Variants in TASP1 observed in about 807,000 individuals in gnomAD.
The protein encoded by TASP1 is taspase 1.
TASP1 carries 16 observed loss-of-function variants against 56.6 expected under a neutral mutation model. That is an observed-to-expected ratio of 0.28 (90% CI 0.19 to 0.43). The LOEUF (loss-of-function observed/expected upper bound fraction) is 0.43, where lower values mean the gene tolerates loss of function less well. Among genes scored for constraint, TASP1 ranks in the 20% least tolerant of loss-of-function variants. The pLI is 1.00. For missense variants in TASP1, 393 were observed against 511.6 expected (o/e 0.77, Z 2.24); for synonymous variants, 179 against 184.2 (o/e 0.97, Z 0.23).
At chr20:13,449,305 A>C (rs181561550) in intron 11 of TASP1, among the ~76,000 whole-genome samples, 2 of 152,180 alleles carry the variant, frequency 1.3e-5, no homozygotes, top group African/African-American at 4.8e-5. Flanking sequence ...AGGACATCGG[A>C]CCTTAAAGAA....
At chr20:13,222,695 A>G in the TASP1 span, among the ~76,000 whole-genome samples, 1 of 152,216 alleles carries the variant, frequency 6.6e-6, no homozygotes, top group Non-Finnish European at 1.5e-5. Flanking sequence ...GGCGTAGTGG[A>G]CGGTCAGACA....
At chr20:13,159,283 C>A in the TASP1 span, among the ~76,000 whole-genome samples, 2 of 152,204 alleles carry the variant, frequency 1.3e-5, no homozygotes, top group African/African-American at 2.4e-5. Context: ...AGGTTCTCTG[C>A]GTGAACACTT....
intron 11 of TASP1, among the ~76,000 whole-genome samples, chr20:13,458,979 T>C (rs1308731175): frequency 6.6e-6 from 1 of 152,146 alleles, no homozygotes; most frequent in East Asian, 1.9e-4. Flanking sequence ...ACAAGGATAG[T>C]GTCTTCTACT....
chr20:13,531,504 T>TC (rs2045217783), intron 9 of TASP1, among the ~76,000 whole-genome samples: 2 of 151,520 alleles, frequency 1.3e-5, no homozygotes, highest in Admixed American at 6.6e-5. Context: ...TTTTTTTTCT[T>TC]TTTTTTGAGA....
At position 13,554,158 on chromosome 20, in the gene TASP1, A is replaced by C. The variant is rs147036610; in HGVS notation, c.675+4850T>G. ...ACATCCATGAGGCAAAGGTATAAGA[A>C]AAAGGCCCAAGAGAATACCAGATAT... On this transcript the variant is annotated intron_variant, in intron 8 of 13. Transcript: ENST00000337743. 4.0e-3 allele frequency among the ~76,000 whole-genome samples: 615 copies of C among 152,310 alleles called. 5 individuals are homozygous for C. Among genetic ancestry groups the C allele is most frequent in the Middle Eastern group, 0.024 (7 of 294 alleles).
intron 13 of TASP1, among the ~76,000 whole-genome samples, chr20:13,409,347 G>A (rs1209203743): frequency 6.6e-6 from 1 of 151,906 alleles, no homozygotes; most frequent in Non-Finnish European, 1.5e-5. Context: ...GGATGTTAAA[G>A]TTTCCAACTA....
the TASP1 span, among the ~76,000 whole-genome samples, chr20:13,338,559 TATA>T: frequency 6.6e-6 from 1 of 152,172 alleles, no homozygotes; most frequent in Admixed American, 6.5e-5. Context: ...TGACATACAG[TATA>T]ATAAGTCCTA....
the TASP1 span, among the ~76,000 whole-genome samples, chr20:13,276,939 C>T: frequency 4.6e-5 from 7 of 152,168 alleles, no homozygotes; most frequent in East Asian, 3.9e-4. Context: ...GGGAAGGGTG[C>T]GGTGGATCCT....
the TASP1 span, chr20:13,160,040 G>A: frequency 7.4e-6 from 12 of 1,613,202 alleles, no homozygotes; most frequent in Admixed American, 1.2e-4. Context: ...AAAAATTGGA[G>A]TGGTGGTCGT....
the TASP1 span, among the ~76,000 whole-genome samples, chr20:13,311,941 C>CA: frequency 0.014 from 2,141 of 151,646 alleles, 46 homozygotes; most frequent in African/African-American, 0.049. Context: ...TAAATATTCT[C>CA]AAAAAAAATG....
chr20:13,602,949 G>A (rs1168240589), intron 4 of TASP1, among the ~76,000 whole-genome samples: 2 of 152,168 alleles, frequency 1.3e-5, no homozygotes, highest in East Asian at 3.8e-4. Flanking sequence ...AGAAAAATGG[G>A]GCCAGGCATG....
At chr20:13,521,245 A>G (rs2044740702) in intron 10 of TASP1, among the ~76,000 whole-genome samples, 2 of 152,104 alleles carry the variant, frequency 1.3e-5, no homozygotes, top group Non-Finnish European at 1.5e-5. Context: ...AACTAGAAAT[A>G]CCATTTGACC....
intron 4 of TASP1, among the ~76,000 whole-genome samples, chr20:13,613,668 A>G (rs2048426499): frequency 6.6e-6 from 1 of 152,068 alleles, no homozygotes; most frequent in African/African-American, 2.4e-5. Flanking sequence ...ATTATAAACA[A>G]TTAAGACATG....
intron 11 of TASP1, among the ~76,000 whole-genome samples, chr20:13,460,980 T>C (rs2044031642): frequency 6.6e-6 from 1 of 152,174 alleles, no homozygotes; most frequent in Non-Finnish European, 1.5e-5. Flanking sequence ...TTATGATGGC[T>C]TGCAAGGCCT....
At chr20:13,381,531 A>T in the TASP1 span, among the ~76,000 whole-genome samples, 1 of 152,184 alleles carries the variant, frequency 6.6e-6, no homozygotes, top group Non-Finnish European at 1.5e-5. Context: ...CATCTTGAGA[A>T]GTCTGTTAAG....
chr20:13,400,048 T>TA (rs2041680599), intron 13 of TASP1, among the ~76,000 whole-genome samples: 1 of 152,218 alleles, frequency 6.6e-6, no homozygotes, highest in Admixed American at 6.5e-5. Flanking sequence ...CTGTACCTCC[T>TA]AACCCCTTCC....
the TASP1 span, among the ~76,000 whole-genome samples, chr20:13,152,780 G>C: frequency 1.3e-5 from 2 of 152,166 alleles, no homozygotes; most frequent in Admixed American, 6.5e-5. Context: ...TTCTCTGGAG[G>C]AGGATGCTGA....
Position 13,494,831 on chromosome 20 carries a change from T to C in TASP1, c.875-11494A>G, listed in dbSNP as rs550959141. ...GTTCTGATACTAACACTTAGGACTG[T>C]AGATAGTCTCCAATTTTAACCAGAA... On this transcript the variant is annotated intron_variant, in intron 10 of 13. Transcript: ENST00000337743. 4.0e-4 allele frequency among the ~76,000 whole-genome samples: 61 copies of C among 152,172 alleles called. 1 individual carries two copies. Among genetic ancestry groups the C allele is most frequent in the African/African-American group, 1.4e-3 (59 of 41,538 alleles).
chr20:13,380,851 C>T, the TASP1 span, among the ~76,000 whole-genome samples: 1 of 152,190 alleles, frequency 6.6e-6, no homozygotes, highest in Non-Finnish European at 1.5e-5. Flanking sequence ...CCAGTTCAAA[C>T]TTCCTGGTGG....
Sources: allele counts gnomAD v4.1 joint callset (sites outside exome capture counted in the v4.1 genomes callset), GRCh38; gene constraint gnomAD v4.1.1; transcripts MANE v1.5; gene names NCBI Gene and HGNC (gene_info 2026-07-23, HGNC 2026-07-21).